Variants in OR2C1 observed in about 807,000 individuals in gnomAD.
OR2C1 encodes olfactory receptor family 2 subfamily C member 1.
For missense variants in OR2C1, 468 were observed against 388.3 expected (o/e 1.21, Z -1.73); for synonymous variants, 209 against 167.3 (o/e 1.25, Z -1.92).
chr16:3,328,974 G>A, the OR2C1 span, among the ~76,000 whole-genome samples: 1 of 126,516 alleles, frequency 7.9e-6, no homozygotes, highest in Non-Finnish European at 1.6e-5. Flanking sequence ...TAAAACAGTT[G>A]GGTGGACTAG....
the OR2C1 span, among the ~76,000 whole-genome samples, chr16:3,330,908 A>G: frequency 5.4e-5 from 8 of 147,358 alleles, no homozygotes; most frequent in Admixed American, 5.4e-4. Context: ...GGCCCAGCTA[A>G]TTTGTAATTA....
chr16:3,344,069 A>C, the OR2C1 span, among the ~76,000 whole-genome samples: 5 of 152,020 alleles, frequency 3.3e-5, no homozygotes, highest in Non-Finnish European at 7.4e-5. Flanking sequence ...AAATACAAAA[A>C]CATTAGTCGA....
chr16:3,354,767 A>G (rs1003812373), upstream of OR2C1, among the ~76,000 whole-genome samples: 7 of 152,008 alleles, frequency 4.6e-5, no homozygotes, highest in Non-Finnish European at 8.8e-5. Flanking sequence ...TGGCTGGGGA[A>G]ATGTGTTGTT....
upstream of OR2C1, among the ~76,000 whole-genome samples, chr16:3,354,132 C>T (rs1289841828): frequency 2.0e-5 from 3 of 151,876 alleles, no homozygotes; most frequent in Non-Finnish European, 2.9e-5. Flanking sequence ...TGCAGGCGCC[C>T]GCCACCATGC....
chr16:3,334,018 G>A, the OR2C1 span, among the ~76,000 whole-genome samples: 2 of 152,068 alleles, frequency 1.3e-5, no homozygotes, highest in Admixed American at 1.3e-4. Flanking sequence ...TGTCACCCAG[G>A]CTAGAGTGCA....
the OR2C1 span, among the ~76,000 whole-genome samples, chr16:3,341,064 T>C: frequency 4.6e-5 from 7 of 152,106 alleles, no homozygotes; most frequent in Non-Finnish European, 1.0e-4. Flanking sequence ...ATATTACCAA[T>C]ATTAAGGCTT....
chr16:3,334,210 T>TC, the OR2C1 span, among the ~76,000 whole-genome samples: 4 of 150,942 alleles, frequency 2.7e-5, no homozygotes, highest in Non-Finnish European at 5.9e-5. Flanking sequence ...CAACTTCAGC[T>TC]CACTGCAACT....
At chr16:3,348,926 C>G in the OR2C1 span, among the ~76,000 whole-genome samples, 2 of 152,010 alleles carry the variant, frequency 1.3e-5, no homozygotes, top group Admixed American at 1.3e-4. Context: ...CTGCCCTTGC[C>G]CCTCAAAAGA....
chr16:3,329,169 G>GACACACACGCAC, the OR2C1 span, among the ~76,000 whole-genome samples: 2 of 115,090 alleles, frequency 1.7e-5, no homozygotes, highest in Non-Finnish European at 3.4e-5. Flanking sequence ...TGGGAGGGAA[G>GACACACACGCAC]ACACACACAC....
chr16:3,324,495 G>A, the OR2C1 span, among the ~76,000 whole-genome samples: 174 of 152,286 alleles, frequency 1.1e-3, no homozygotes, highest in African/African-American at 4.1e-3. Context: ...ACATTATGAT[G>A]CATCAGCCTC....
the OR2C1 span, among the ~76,000 whole-genome samples, chr16:3,334,081 T>A: frequency 6.6e-6 from 1 of 151,900 alleles, no homozygotes; most frequent in African/African-American, 2.4e-5. Flanking sequence ...TGGGTTATCT[T>A]CCTAACTCAG....
chr16:3,344,909 T>C, the OR2C1 span, among the ~76,000 whole-genome samples: 6 of 152,022 alleles, frequency 3.9e-5, no homozygotes, highest in South Asian at 4.1e-4. Flanking sequence ...CTCCCCTTTA[T>C]GGACCAGGAT....
At chr16:3,333,589 C>A in the OR2C1 span, among the ~76,000 whole-genome samples, 4 of 152,144 alleles carry the variant, frequency 2.6e-5, no homozygotes, top group Admixed American at 2.6e-4. Flanking sequence ...CCCGGCTCGG[C>A]CTCCCAAAGT....
upstream of OR2C1, among the ~76,000 whole-genome samples, chr16:3,354,959 G>C (rs370993598): frequency 6.6e-6 from 1 of 151,982 alleles, no homozygotes; most frequent in Non-Finnish European, 1.5e-5. Flanking sequence ...AAGTTTTTGA[G>C]AACTTTCACA....
At chr16:3,328,499 C>A in the OR2C1 span, among the ~76,000 whole-genome samples, 2 of 152,194 alleles carry the variant, frequency 1.3e-5, no homozygotes, top group East Asian at 3.8e-4. Context: ...TTATTGGTCA[C>A]TTTTTATGTA....
upstream of OR2C1, among the ~76,000 whole-genome samples, chr16:3,351,942 A>G (rs1047423020): frequency 1.4e-5 from 2 of 141,870 alleles, no homozygotes; most frequent in African/African-American, 5.3e-5. Flanking sequence ...TAGAACTGCC[A>G]CCTTGGCTCA....
chr16:3,330,279 T>C, the OR2C1 span, among the ~76,000 whole-genome samples: 1 of 151,808 alleles, frequency 6.6e-6, no homozygotes, highest in Non-Finnish European at 1.5e-5. Context: ...GCTAATTTTT[T>C]GTATTTTTTT....
At chr16:3,331,604 A>G in the OR2C1 span, among the ~76,000 whole-genome samples, 1 of 151,494 alleles carries the variant, frequency 6.6e-6, no homozygotes. Context: ...CTTTCTCCAT[A>G]TGGCTAGCCA....
chr16:3,333,210 C>CT, the OR2C1 span, among the ~76,000 whole-genome samples: 81 of 33,048 alleles, frequency 2.5e-3, 1 homozygote, highest in Non-Finnish European at 3.5e-3. Flanking sequence ...ATCTTTTGCC[C>CT]ATTTTTTTTT....
Sources: gnomAD v4.1 joint callset for allele counts (sites outside exome capture counted in the v4.1 genomes callset) on GRCh38, gnomAD v4.1.1 for gene constraint, MANE v1.5 for transcripts, NCBI Gene and HGNC (gene_info 2026-07-23, HGNC 2026-07-21) for gene names.